NOL4: variants seen among roughly 807,000 people sequenced by gnomAD.
NOL4 encodes the protein cancer/testis antigen 125.
In NOL4, 17 loss-of-function variants were observed where a neutral mutation model predicts 75.9. The ratio of observed to expected loss-of-function variants is 0.22; its 90% CI spans 0.15 to 0.34. The LOEUF (loss-of-function observed/expected upper bound fraction) is 0.34. Ranked by LOEUF, NOL4 falls within the 10% of genes least tolerant of loss-of-function variation. The pLI is 1.00. For missense variants in NOL4, 614 were observed against 793.5 expected, an observed-to-expected ratio of 0.77 and a Z score of 2.72; for synonymous variants, 292 against 289.9, an observed-to-expected ratio of 1.01 and a Z score of -0.07.
chr18:33,858,758 G>C (rs946996697), intron 10 of NOL4, among the ~76,000 whole-genome samples: 1 of 151,878 alleles, frequency 6.6e-6, no homozygotes, highest in South Asian at 2.1e-4. Flanking sequence ...AGATTATCTA[G>C]CCTTTGAAGC....
At chr18:34,206,900 A>C (rs1386447548) in intron 1 of NOL4, among the ~76,000 whole-genome samples, 2 of 151,820 alleles carry the variant, frequency 1.3e-5, no homozygotes, top group African/African-American at 4.8e-5. Context: ...TGTTTTTTTA[A>C]ATATTTTTTC....
At chr18:34,072,216 C>T (rs1434387512) in intron 5 of NOL4, among the ~76,000 whole-genome samples, 1 of 152,068 alleles carries the variant, frequency 6.6e-6, no homozygotes. Context: ...CAGAGCGAGA[C>T]TCCATCTCAA....
intron 5 of NOL4, among the ~76,000 whole-genome samples, chr18:34,085,540 A>G (rs2145447190): frequency 6.6e-6 from 1 of 152,318 alleles, no homozygotes; most frequent in Admixed American, 6.5e-5. Flanking sequence ...CCTAGCTAAG[A>G]TGGGACTGGT....
At chr18:34,221,670 C>T (rs2037315517) in intron 1 of NOL4, 1 of 176,440 alleles carries the variant, frequency 5.7e-6, no homozygotes, top group Admixed American at 6.3e-5. Context: ...ACTTTTGGTT[C>T]CCAATTTCTA....
intron 1 of NOL4, among the ~76,000 whole-genome samples, chr18:34,131,273 A>C (rs1452547599): frequency 6.6e-6 from 1 of 152,070 alleles, no homozygotes; most frequent in East Asian, 1.9e-4. Flanking sequence ...AAACAAAAGT[A>C]AGTCACCTGG....
chr18:34,142,252 C>A (rs1415050869), intron 1 of NOL4, among the ~76,000 whole-genome samples: 1 of 152,160 alleles, frequency 6.6e-6, no homozygotes, highest in African/African-American at 2.4e-5. Context: ...ACTAGTTCAA[C>A]CACTGTGGAA....
intron 6 of NOL4, among the ~76,000 whole-genome samples, chr18:34,006,804 C>G (rs1475384959): frequency 6.6e-6 from 1 of 151,990 alleles, no homozygotes; most frequent in African/African-American, 2.4e-5. Flanking sequence ...CTTTGGAAGA[C>G]TCAGTTACAG....
chr18:34,008,352 T>A (rs2067166520), intron 6 of NOL4, among the ~76,000 whole-genome samples: 1 of 143,428 alleles, frequency 7.0e-6, no homozygotes, highest in South Asian at 2.3e-4. Flanking sequence ...CTTCATAACA[T>A]ATCACTTTCT....
At chr18:34,055,705 T>C (rs890140935) in intron 5 of NOL4, among the ~76,000 whole-genome samples, 3 of 152,134 alleles carry the variant, frequency 2.0e-5, no homozygotes, top group African/African-American at 4.8e-5. Context: ...TTTATCTCTC[T>C]CTCTGTCTCT....
chr18:34,142,179 C>T (rs1270139588), intron 1 of NOL4, among the ~76,000 whole-genome samples: 2 of 152,114 alleles, frequency 1.3e-5, no homozygotes, highest in East Asian at 3.9e-4. Flanking sequence ...AGTCAGGAAA[C>T]AACAGGTGCT....
intron 3 of NOL4, 123 bp downstream of exon 3, chr18:34,104,926 A>G: frequency 1.7e-6 from 1 of 583,660 alleles, no homozygotes; most frequent in South Asian, 2.3e-5. Flanking sequence ...TCCTACTTGA[A>G]TAAATGAGAT....
chr18:34,072,529 A>G (rs1207949386), intron 5 of NOL4, among the ~76,000 whole-genome samples: 1 of 152,208 alleles, frequency 6.6e-6, no homozygotes, highest in Non-Finnish European at 1.5e-5. Context: ...TTTATGGCAA[A>G]TTAATAGAAC....
At chr18:33,946,052 A>G (rs551645402) in intron 8 of NOL4, among the ~76,000 whole-genome samples, 1 of 151,904 alleles carries the variant, frequency 6.6e-6, no homozygotes, top group African/African-American at 2.4e-5. Flanking sequence ...ATCTGTATAT[A>G]CAAACCATTG....
intron 9 of NOL4, among the ~76,000 whole-genome samples, chr18:33,927,170 T>A (rs2067386035): frequency 6.6e-6 from 1 of 152,110 alleles, no homozygotes; most frequent in South Asian, 2.1e-4. Flanking sequence ...TTTTCTTAAG[T>A]AATAAAACCA....
At position 34,166,819 on chromosome 18, in the gene NOL4, T is replaced by C. The variant is rs980023114; in HGVS notation, c.265-36799A>G. Among the ~76,000 whole-genome samples, 2 of 39,132 alleles carry C rather than the reference T, an allele frequency of 5.1e-5. 1 individual carries two copies. The highest frequency in any genetic ancestry group is 1.2e-4 in the Non-Finnish European group (2 of 16,588). 25.7% of individuals were successfully genotyped at this position (39,132 alleles called of 152,430 possible). A position where few individuals can be genotyped will look rare whatever the true frequency, so the allele number is the denominator to read the frequency against. On this transcript the variant is annotated intron_variant, in intron 1 of 10. Coordinates refer to ENST00000261592, the MANE Select transcript of NOL4 (RefSeq NM_003787.5). ...TTGGGAGGCCGAGGCGGGTGGATCA[T>C]GAGGTCAGGAGATCGAGACCATCCT...
intron 10 of NOL4, among the ~76,000 whole-genome samples, chr18:33,861,722 G>T (rs975719153): frequency 6.6e-6 from 1 of 152,046 alleles, no homozygotes; most frequent in Admixed American, 6.6e-5. Flanking sequence ...GGGACATGAA[G>T]GACCTCTTCA....
At chr18:33,877,386 G>A (rs972516813) in intron 10 of NOL4, among the ~76,000 whole-genome samples, 3 of 149,584 alleles carry the variant, frequency 2.0e-5, no homozygotes, top group African/African-American at 7.5e-5. Flanking sequence ...CGACTGAGGT[G>A]GAAGCATTGC....
intron 6 of NOL4, among the ~76,000 whole-genome samples, chr18:34,008,685 C>T (rs908203888): frequency 6.6e-6 from 1 of 151,780 alleles, no homozygotes; most frequent in Non-Finnish European, 1.5e-5. Context: ...TCCTTAATCA[C>T]CATAATGGAA....
intron 5 of NOL4, among the ~76,000 whole-genome samples, chr18:34,053,498 G>C (rs1044699675): frequency 3.9e-5 from 6 of 151,926 alleles, no homozygotes; most frequent in South Asian, 4.1e-4. Flanking sequence ...CCAGCATCAA[G>C]CCAGTTCAAT....
Sources: gnomAD v4.1 joint callset for allele counts (sites outside exome capture counted in the v4.1 genomes callset) on GRCh38, gnomAD v4.1.1 for gene constraint, MANE v1.5 for transcripts, NCBI Gene and HGNC (gene_info 2026-07-23, HGNC 2026-07-21) for gene names.